The following DDI2 variants were observed in gnomAD, a reference collection of about 807,000 sequenced individuals.
DDI2 encodes protein DDI1 homolog 2.
A neutral mutation model predicts 48.1 loss-of-function variants in DDI2; 5 were observed. The ratio of observed to expected loss-of-function variants is 0.10; its 90% confidence interval spans 0.05 to 0.22. DDI2 has a LOEUF of 0.22. Among genes scored for constraint, DDI2 ranks in the 10% least tolerant of loss-of-function variants. The pLI is 1.00. For missense variants in DDI2, 285 were observed against 506.2 expected, an observed-to-expected ratio of 0.56 and a Z score of 4.19; for synonymous variants, 205 against 183.6, an observed-to-expected ratio of 1.12 and a Z score of -0.94.
chr1:15,622,727 T>G (rs999162585), intron 1 of DDI2, among the ~76,000 whole-genome samples: 3 of 152,200 alleles, frequency 2.0e-5, no homozygotes, highest in Admixed American at 2.0e-4. Context: ...GAATGTTTGG[T>G]TGGAAGATCA....
At chr1:15,622,198 C>CATTTTTTT (rs1553152920) in intron 1 of DDI2, among the ~76,000 whole-genome samples, 1 of 131,242 alleles carries the variant, frequency 7.6e-6, no homozygotes, top group African/African-American at 2.9e-5. Context: ...GTAGCTGCGA[C>CATTTTTTT]TTTTTTTTTT....
chr1:15,649,595 C>T (rs368143389), intron 6 of DDI2, 125 bp from the exon 7 acceptor site: 17 of 802,890 alleles, frequency 2.1e-5, no homozygotes, highest in African/African-American at 5.4e-5. Flanking sequence ...CACTTAAACC[C>T]GGGAGGCAGA....
At chr1:15,648,491 T>C (rs1230692467) in intron 6 of DDI2, among the ~76,000 whole-genome samples, 1 of 152,224 alleles carries the variant, frequency 6.6e-6, no homozygotes, top group African/African-American at 2.4e-5. Flanking sequence ...CTGGATGTGC[T>C]CATTTTAAAT....
rs1395580811 is a variant in DDI2 at position 15,665,180 on chromosome 1, T to G, written c.*5390T>G. The G allele has an allele frequency of 1.3e-5, 2 of 149,314 alleles. No homozygotes were observed. The highest frequency in any genetic ancestry group is 2.5e-5 in the African/African-American group (1 of 39,812). The allele number at this position is 149,314 out of a possible 1,614,324, so 9.2% of individuals were successfully genotyped here. Reference sequence around the variant, plus strand: ...GGGAGGCTGAGGCAGGAGAATCACTTAAACCTGGGAGGCGGAGGTTGTGGT... The same window carrying G: ...GGGAGGCTGAGGCAGGAGAATCACTGAAACCTGGGAGGCGGAGGTTGTGGT... On this transcript the variant is annotated 3_prime_UTR_variant, in exon 10 of 10. Coordinates refer to ENST00000480945, the MANE Select transcript of DDI2 (RefSeq NM_032341.5).
At chr1:15,638,070 G>A (rs576738294) in intron 4 of DDI2, among the ~76,000 whole-genome samples, 7 of 152,232 alleles carry the variant, frequency 4.6e-5, no homozygotes, top group Admixed American at 3.9e-4. Flanking sequence ...ATAGAAAGGC[G>A]GCTTAGTGTT....
chr1:15,668,367 T>G lies in DDI2; in HGVS notation c.*8577T>G, dbSNP rs1274694694. 1 of 152,256 alleles carries G rather than the reference T, an allele frequency of 6.6e-6. No homozygotes were observed. Among genetic ancestry groups the G allele is most frequent in the Admixed American group, 6.5e-5 (1 of 15,280 alleles). The allele number at this position is 152,256 out of a possible 1,614,324, so 9.4% of individuals were successfully genotyped here. On this transcript the variant is annotated 3_prime_UTR_variant, in exon 10 of 10. Coordinates refer to ENST00000480945, the MANE Select transcript of DDI2 (RefSeq NM_032341.5). ...TCCAAGACCTTCCCATTTGAATGAC[T>G]AGATTTCTATTCTATCCCCGATCAT...
chr1:15,656,773 A>G, intron 9 of DDI2, 94 bp downstream of exon 9: 1 of 1,563,498 alleles, frequency 6.4e-7, no homozygotes, highest in Non-Finnish European at 8.7e-7. Context: ...AGCATTTGTC[A>G]TTCACCATTT....
intron 1 of DDI2, among the ~76,000 whole-genome samples, chr1:15,621,881 C>A (rs898736753): frequency 3.9e-5 from 6 of 152,060 alleles, no homozygotes; most frequent in Non-Finnish European, 8.8e-5. Context: ...TATGCAGTTG[C>A]CAGATCAAAA....
chr1:15,656,922 C>A, intron 9 of DDI2: 1 of 435,756 alleles, frequency 2.3e-6, no homozygotes, highest in Non-Finnish European at 4.1e-6. Flanking sequence ...CCAGTTAAAA[C>A]AGTGTCTATT....
chr1:15,650,855 T>C (rs1171512351), intron 7 of DDI2, among the ~76,000 whole-genome samples: 2 of 152,176 alleles, frequency 1.3e-5, no homozygotes, highest in Non-Finnish European at 2.9e-5. Flanking sequence ...TCTATTTATT[T>C]ATTTATTTAT....
At chr1:15,656,812 C>A in intron 9 of DDI2, 133 bp downstream of exon 9, 1 of 1,245,522 alleles carries the variant, frequency 8.0e-7, no homozygotes, top group South Asian at 1.5e-5. Flanking sequence ...TACAACTAGC[C>A]TATATGCATT....
Position 15,660,500 on chromosome 1 carries a change from A to C in DDI2, c.*710A>C, listed in dbSNP as rs751104757. ...CAACAGAATCAACACAAAATTGTTG[A>C]TTTGGAAGCTACGATGAAAGGAAAT... On this transcript the variant is annotated 3_prime_UTR_variant, in exon 10 of 10. Coordinates refer to ENST00000480945, the MANE Select transcript of DDI2 (RefSeq NM_032341.5). 5.0e-6 allele frequency: 8 copies of C among 1,613,842 alleles called. No homozygotes were observed. The Admixed American group carries it at 1.3e-4, about 27-fold the overall frequency.
chr1:15,622,140 C>T (rs1470502277), intron 1 of DDI2, among the ~76,000 whole-genome samples: 1 of 151,220 alleles, frequency 6.6e-6, no homozygotes, highest in Non-Finnish European at 1.5e-5. Context: ...GTGTTGCAAT[C>T]ACAGCTCACT....
rs148800619 is a variant in DDI2, at chr1:15,666,717, C to T, written c.*6927C>T. 9.2e-5 allele frequency: 14 copies of T among 152,284 alleles called. No homozygotes were observed. The highest frequency in any genetic ancestry group is 3.4e-4 in the African/African-American group (14 of 41,568). The allele number at this position is 152,284 out of a possible 1,614,324, so 9.4% of individuals were successfully genotyped here. A position where few individuals can be genotyped will look rare whatever the true frequency, so the allele number is the denominator to read the frequency against. On this transcript the variant is annotated 3_prime_UTR_variant, in exon 10 of 10. Coordinates refer to ENST00000480945, the MANE Select transcript of DDI2 (RefSeq NM_032341.5). ...AGGGGTAACTAAAACAGATTGGAAC[C>T]CTGCCCTTGTGAAGCTTTCAGTCTA... is the stretch of plus-strand genomic sequence containing the variant.
chr1:15,651,453 C>T (rs1029164054), intron 7 of DDI2, among the ~76,000 whole-genome samples: 1 of 151,868 alleles, frequency 6.6e-6, no homozygotes, highest in Non-Finnish European at 1.5e-5. Context: ...CAAGTAGCTG[C>T]GATTATGGGC....
At chr1:15,658,754 T>TAA (rs3070655) in intron 9 of DDI2, among the ~76,000 whole-genome samples, 47,882 of 145,416 alleles carry the variant, frequency 0.33, 8,835 homozygotes, top group African/African-American at 0.5. Flanking sequence ...AACACAGTCT[T>TAA]AAAAAAAAAA....
intron 7 of DDI2, 106 bp downstream of exon 7, chr1:15,649,929 C>G: frequency 9.4e-7 from 1 of 1,066,634 alleles, no homozygotes; most frequent in Non-Finnish European, 1.3e-6. Context: ...GAAATAACGA[C>G]TTTTCAAACC....
At position 15,666,279 on chromosome 1, in the gene DDI2, G is replaced by C. The variant is rs1049455701; in HGVS notation, c.*6489G>C. ...TTTTCTTTTGTGCCTTAGTTTCTCT[G>C]AATAGCAGAGGCATCAAATTTTGGT... On this transcript the variant is annotated 3_prime_UTR_variant, in exon 10 of 10. Coordinates refer to ENST00000480945, the MANE Select transcript of DDI2 (RefSeq NM_032341.5). 2.0e-5 allele frequency: 3 copies of C among 152,198 alleles called. No homozygotes were observed. Among genetic ancestry groups the C allele is most frequent in the East Asian group, 1.9e-4 (1 of 5,174 alleles). 9.4% of individuals were successfully genotyped at this position (152,198 alleles called of 1,614,324 possible). A position where few individuals can be genotyped will look rare whatever the true frequency, so the allele number is the denominator to read the frequency against.
In DDI2 at chr1:15,626,671, C is replaced by T. The variant is rs774889431; in HGVS notation, c.141C>T (p.Ile47=). The part of the protein sequence containing the change: ...ESGIPAAESQ[I]VYAERPLTDN... ...TTGTATATCTTTTCTTGTTGTAGAT[C>T]GTCTATGCGGAAAGACCTCTCACAG... Residue 47 remains isoleucine (I), a splice_region_variant and synonymous_variant, in exon 2 of 10, where the codon ATC becomes ATT. Coordinates refer to ENST00000480945, the MANE Select transcript of DDI2 (RefSeq NM_032341.5). 3.1e-6 allele frequency: 5 copies of T among 1,614,094 alleles called. No individual in the cohort carries two copies. Among genetic ancestry groups the T allele is most frequent in the African/African-American group, 2.7e-5 (2 of 75,014 alleles).
Sources: gnomAD v4.1 joint callset for allele counts (sites outside exome capture counted in the v4.1 genomes callset) on GRCh38, gnomAD v4.1.1 for gene constraint, MANE v1.5 for transcripts, NCBI Gene and HGNC (gene_info 2026-07-23, HGNC 2026-07-21) for gene names.